PEBP4: variants seen among roughly 807,000 people sequenced by gnomAD.
The protein encoded by PEBP4 is phosphatidylethanolamine-binding protein 4.
PEBP4 carries 22 observed loss-of-function variants against 23.9 expected under a neutral mutation model. The observed-to-expected ratio is 0.92, with a 90% CI of 0.66 to 1.31. PEBP4 has a LOEUF of 1.31. PEBP4 is among the 40% of genes most tolerant of loss of function. The probability of loss-of-function intolerance (pLI) is 0.00; values close to 1 mark genes in which losing one functional copy is unlikely to be tolerated. For synonymous variants in PEBP4, 112 were observed against 99.3 expected (o/e 1.13, Z -0.76); for missense variants, 324 against 281.7 (o/e 1.15, Z -1.07).
chr8:22,796,422 C>A (rs574914449), intron 4 of PEBP4, among the ~76,000 whole-genome samples: 1 of 152,296 alleles, frequency 6.6e-6, no homozygotes, highest in South Asian at 2.1e-4. Context: ...CTCAGTAAAT[C>A]ATCGTTAAGT....
chr8:22,873,727 A>C lies in PEBP4; in HGVS notation c.258+46457T>G, dbSNP rs574163935. On this transcript the variant is annotated intron_variant, in intron 3 of 6. Transcript: ENST00000256404. ...GTAACATCATCATGGCCTGCTTGAG[A>C]AATTAATGTTGTCTTTAACATACCG... 1.2e-4 allele frequency among the ~76,000 whole-genome samples: 19 copies of C among 152,368 alleles called. No homozygotes were observed. In the South Asian group the frequency reaches 3.5e-3, roughly 28 times the overall value.
At chr8:22,885,035 A>G (rs1374435146) in intron 3 of PEBP4, 1 of 152,126 alleles carries the variant, frequency 6.6e-6, no homozygotes, top group Non-Finnish European at 1.5e-5. Flanking sequence ...CTCTCCCCAA[A>G]TGAAGTGGAC....
intron 4 of PEBP4, among the ~76,000 whole-genome samples, chr8:22,815,474 C>T (rs915433039): frequency 6.6e-6 from 1 of 152,210 alleles, no homozygotes; most frequent in African/African-American, 2.4e-5. Context: ...AGAGCCTTCA[C>T]TTCCTCTGGT....
In PEBP4 at chr8:22,920,244, G is replaced by A. The variant is rs1434600084; in HGVS notation, c.198C>T (p.Asn66=). The A allele has an allele frequency of 1.2e-6, 2 of 1,613,902 alleles. No individual in the cohort carries two copies. The highest frequency in any genetic ancestry group is 3.3e-5 in the Admixed American group (2 of 60,016). Residue 66 remains asparagine (N), a synonymous_variant, in exon 3 of 7, where the codon AAC becomes AAT. Transcript: ENST00000256404. ...IGCKVVPDCN[N]YRQKITSWME... is the part of the protein sequence containing the mutation. ...TCCAGGAGGTGATCTTCTGTCTGTA[G>A]TTGTTACAATCAGGAACAACCTTGC... is the stretch of plus-strand genomic sequence containing the variant.
At chr8:22,727,533 A>T (rs1804642759) in intron 4 of PEBP4, among the ~76,000 whole-genome samples, 1 of 152,134 alleles carries the variant, frequency 6.6e-6, no homozygotes, top group Non-Finnish European at 1.5e-5. Flanking sequence ...CACTTCCCAA[A>T]GAGCTGTTCC....
chr8:22,770,416 C>T (rs796338441), intron 4 of PEBP4, among the ~76,000 whole-genome samples: 45 of 152,360 alleles, frequency 3.0e-4, no homozygotes, highest in African/African-American at 8.7e-4. Flanking sequence ...GCTGTGTGTT[C>T]GATGCCCCTC....
chr8:22,929,291 G>T (rs1372172819), upstream of PEBP4, among the ~76,000 whole-genome samples: 4 of 152,220 alleles, frequency 2.6e-5, no homozygotes, highest in African/African-American at 9.6e-5. Flanking sequence ...TGGGGTATAG[G>T]TTGAGCATGC....
intron 4 of PEBP4, among the ~76,000 whole-genome samples, chr8:22,781,343 C>T (rs577815308): frequency 1.5e-4 from 23 of 149,490 alleles, no homozygotes; most frequent in African/African-American, 3.7e-4. Flanking sequence ...CAGCAGGCAC[C>T]GGGGCTGGGA....
At chr8:22,814,438 G>A (rs371980701) in intron 4 of PEBP4, among the ~76,000 whole-genome samples, 8 of 152,260 alleles carry the variant, frequency 5.3e-5, no homozygotes, top group South Asian at 2.1e-4. Flanking sequence ...ATCCTACTCC[G>A]TACTAAACCC....
chr8:22,839,767 G>A (rs535308274), intron 3 of PEBP4, among the ~76,000 whole-genome samples: 1 of 152,110 alleles, frequency 6.6e-6, no homozygotes, highest in Non-Finnish European at 1.5e-5. Context: ...GATTTGTTCC[G>A]GTTCCTTCCC....
chr8:22,833,218 T>G (rs1807124357), intron 3 of PEBP4, among the ~76,000 whole-genome samples: 1 of 152,190 alleles, frequency 6.6e-6, no homozygotes, highest in Admixed American at 6.5e-5. Context: ...CATACCCAAT[T>G]AGAAGAAATC....
chr8:22,843,214 C>T (rs1305987767), intron 3 of PEBP4, among the ~76,000 whole-genome samples: 1 of 151,748 alleles, frequency 6.6e-6, no homozygotes, highest in Non-Finnish European at 1.5e-5. Context: ...GCACCTGCCT[C>T]GGCCTCCCAA....
intron 3 of PEBP4, among the ~76,000 whole-genome samples, chr8:22,904,996 T>C (rs181217396): frequency 6.7e-4 from 102 of 152,346 alleles, no homozygotes; most frequent in African/African-American, 2.2e-3. Context: ...TTAGAATAAA[T>C]TCCTAGAGCT....
At position 22,724,941 on chromosome 8, in the gene PEBP4, G is replaced by A; in HGVS notation, c.419C>T (p.Ser140Phe). Residue 140 changes from serine to phenylalanine, a missense_variant, in exon 6 of 7, where the codon TCC becomes TTC. By Grantham distance (155) the Ser-to-Phe change is radical. Transcript: ENST00000256404. ...GQELSAYQAP[S>F]PPAHSGFHRY... is the part of the protein sequence containing the mutation. Reference sequence around the variant, plus strand: ...ATGGAAGCCACTGTGTGCCGGTGGGGAGGGAGCCTGGTAGGCTATAGGTAG... The same window carrying A: ...ATGGAAGCCACTGTGTGCCGGTGGGAAGGGAGCCTGGTAGGCTATAGGTAG... 6.2e-7 allele frequency: 1 copy of A among 1,613,908 alleles called. No homozygotes were observed. Among genetic ancestry groups the A allele is most frequent in the Non-Finnish European group, 8.5e-7 (1 of 1,179,846 alleles).
chr8:22,728,605 T>A, intron 4 of PEBP4, among the ~76,000 whole-genome samples: 1 of 123,644 alleles, frequency 8.1e-6, no homozygotes, highest in South Asian at 2.9e-4. Flanking sequence ...CCTTCCTTCC[T>A]TCCTTCCCTT....
intron 4 of PEBP4, among the ~76,000 whole-genome samples, chr8:22,751,662 C>T (rs4872009): frequency 3.3e-4 from 38 of 116,066 alleles, no homozygotes; most frequent in East Asian, 5.5e-4. Context: ...GTGTGTTGTG[C>T]GTCTATATAT....
intron 3 of PEBP4, among the ~76,000 whole-genome samples, chr8:22,838,085 G>T (rs1185352484): frequency 6.6e-6 from 1 of 151,742 alleles, no homozygotes; most frequent in Non-Finnish European, 1.5e-5. Context: ...TTTCTTTGTA[G>T]ATACGGGGTC....
At chr8:22,886,840 G>C (rs913454305) in intron 3 of PEBP4, 6 of 152,466 alleles carry the variant, frequency 3.9e-5, no homozygotes, top group Admixed American at 2.0e-4. Context: ...GGTGTTTGAG[G>C]GAGCAGTTAG....
intron 3 of PEBP4, among the ~76,000 whole-genome samples, chr8:22,883,186 G>C (rs141820282): frequency 1.1e-3 from 161 of 152,282 alleles, no homozygotes; most frequent in Middle Eastern, 6.8e-3. Context: ...TTGCTTAAAG[G>C]TTCAGAGATT....
Sources: allele counts gnomAD v4.1 joint callset (sites outside exome capture counted in the v4.1 genomes callset), GRCh38; gene constraint gnomAD v4.1.1; transcripts MANE v1.5; gene names NCBI Gene and HGNC (gene_info 2026-07-23, HGNC 2026-07-21).